Variants in TMEM192 observed in about 807,000 individuals in gnomAD.
TMEM192 encodes the protein transmembrane protein 192.
Under a neutral mutation model 26.7 loss-of-function variants are expected in TMEM192, and 20 were observed. The observed-to-expected ratio is 0.75, with a 90% CI of 0.53 to 1.09. The LOEUF (loss-of-function observed/expected upper bound fraction) is 1.09. Ranked by LOEUF, TMEM192 falls within the 50% of genes least tolerant of loss-of-function variation. The probability of loss-of-function intolerance (pLI) is 0.00; values close to 1 mark genes in which losing one functional copy is unlikely to be tolerated. For missense variants in TMEM192, 304 were observed against 322.6 expected, an observed-to-expected ratio of 0.94 and a Z score of 0.44; for synonymous variants, 124 against 121.0, an observed-to-expected ratio of 1.02 and a Z score of -0.16.
chr4:165,098,897 T>C (rs1244216959), intron 3 of TMEM192, among the ~76,000 whole-genome samples: 1 of 151,732 alleles, frequency 6.6e-6, no homozygotes, highest in Non-Finnish European at 1.5e-5. Flanking sequence ...AGATGAGGTT[T>C]CACCATGTTG....
intron 3 of TMEM192, among the ~76,000 whole-genome samples, chr4:165,089,950 G>A (rs946701602): frequency 2.6e-5 from 4 of 151,936 alleles, no homozygotes; most frequent in African/African-American, 9.7e-5. Flanking sequence ...GGTGGCTCAC[G>A]CCTGTAATCC....
intron 1 of TMEM192, among the ~76,000 whole-genome samples, chr4:165,103,589 G>A (rs190395920): frequency 4.1e-5 from 6 of 147,912 alleles, no homozygotes; most frequent in East Asian, 2.0e-4. Context: ...ACCTTGGCTC[G>A]CCGAAACCTC....
chr4:165,109,341 T>C (rs1170202272), intron 1 of TMEM192, among the ~76,000 whole-genome samples: 2 of 152,178 alleles, frequency 1.3e-5, no homozygotes, highest in Non-Finnish European at 2.9e-5. Flanking sequence ...GCTTCAGACC[T>C]GGGAAATTTT....
chr4:165,109,575 G>C lies in TMEM192; in HGVS notation c.27+3172C>G, dbSNP rs11732970. ...ATACCGGGTTTCGCCATGTTGGCCA[G>C]GCTGGTCTCAAACTTCTGACCTCAG... On this transcript the variant is annotated intron_variant, in intron 1 of 5. Coordinates refer to ENST00000306480, the MANE Select transcript of TMEM192 (RefSeq NM_001100389.2). Among the ~76,000 whole-genome samples, 860 of 152,260 alleles carry C rather than the reference G, an allele frequency of 5.6e-3. 8 individuals carry two copies. Among genetic ancestry groups the C allele is most frequent in the African/African-American group, 6.6e-3 (273 of 41,548 alleles).
intron 5 of TMEM192, among the ~76,000 whole-genome samples, chr4:165,084,154 A>C (rs1418631488): frequency 2.6e-5 from 4 of 151,590 alleles, no homozygotes. Flanking sequence ...TAACTAGTAC[A>C]TCAGTAATGG....
At chr4:165,109,224 A>G (rs1735239900) in intron 1 of TMEM192, among the ~76,000 whole-genome samples, 1 of 151,976 alleles carries the variant, frequency 6.6e-6, no homozygotes, top group Admixed American at 6.6e-5. Context: ...AAGGGCAGAG[A>G]CTCTTTTATA....
intron 3 of TMEM192, among the ~76,000 whole-genome samples, chr4:165,099,984 C>T (rs948766107): frequency 1.3e-5 from 2 of 152,040 alleles, no homozygotes; most frequent in Non-Finnish European, 2.9e-5. Flanking sequence ...AATTCCCTCT[C>T]CCTATCCTCA....
intron 2 of TMEM192, among the ~76,000 whole-genome samples, chr4:165,102,597 A>T (rs1282904197): frequency 6.6e-6 from 1 of 152,098 alleles, no homozygotes; most frequent in Non-Finnish European, 1.5e-5. Flanking sequence ...TATCCACCCC[A>T]TTCTTAACAG....
At chr4:165,100,938 T>C (rs772763592) in intron 2 of TMEM192, 46 bp from the exon 3 acceptor site, 10 of 1,512,810 alleles carry the variant, frequency 6.6e-6, no homozygotes, top group Non-Finnish European at 8.8e-6. Context: ...TATTTGTAAT[T>C]AGGAAGCAAT....
chr4:165,073,365 C>T lies in TMEM192; in HGVS notation c.*6293G>A, dbSNP rs1167784024. The T allele has an allele frequency of 6.6e-6, 1 of 152,250 alleles. No individual in the cohort carries two copies. Among genetic ancestry groups the T allele is most frequent in the Non-Finnish European group, 1.5e-5 (1 of 68,090 alleles). The allele number at this position is 152,250 out of a possible 1,614,324, so 9.4% of individuals were successfully genotyped here. ...TAACAATATGTTTGCAGGTGGTATG[C>T]TTGGTAAAAGTCATCGCCTTTCTCC... is the stretch of plus-strand genomic sequence containing the variant. On this transcript the variant is annotated 3_prime_UTR_variant, in exon 6 of 6. Transcript: ENST00000306480.
rs373678960 is a variant in TMEM192 at position 165,100,889 on chromosome 4, C to T, written c.178G>A (p.Val60Met). 1.5e-5 allele frequency: 24 copies of T among 1,607,572 alleles called. No individual in the cohort carries two copies. The highest frequency in any genetic ancestry group is 8.9e-5 in the South Asian group (8 of 89,968). The change falls in exon 3 of 6, where the codon GTG becomes ATG. Residue 60 changes from valine (V) to methionine (M), a missense_variant. Val to Met is a conservative substitution (Grantham distance 21). Transcript: ENST00000306480. Reference sequence around the variant, plus strand: ...GTTAAAAATGCTAAAACAACAAACACGAGCTGGGGGAAAGGAGAGCAGAAA... The same window carrying T: ...GTTAAAAATGCTAAAACAACAAACATGAGCTGGGGGAAAGGAGAGCAGAAA... ...IVNLLWFIHL[V>M]FVVLAFLTGV...
rs1007607058 is a variant in TMEM192 at position 165,070,855 on chromosome 4, T to C, written c.*8803A>G. ...AGTGACATTAATTCATCAACGTATA[T>C]TGAGTGCCTACTTTGTGCCAGACAC... is the stretch of plus-strand genomic sequence containing the variant. On this transcript the variant is annotated 3_prime_UTR_variant, in exon 6 of 6. Transcript: ENST00000306480. The C allele has an allele frequency of 2.6e-5, 4 of 152,200 alleles. No individual in the cohort carries two copies. Among genetic ancestry groups the C allele is most frequent in the African/African-American group, 4.8e-5 (2 of 41,448 alleles). The allele number at this position is 152,200 out of a possible 1,614,324, so 9.4% of individuals were successfully genotyped here. A position where few individuals can be genotyped will look rare whatever the true frequency, so the allele number is the denominator to read the frequency against.
intron 1 of TMEM192, 29 bp downstream of exon 1, chr4:165,112,718 C>T: frequency 6.2e-7 from 1 of 1,608,428 alleles, no homozygotes; most frequent in Non-Finnish European, 8.5e-7. Context: ...GATTCCGGGG[C>T]CAACCGCCCG....
intron 3 of TMEM192, among the ~76,000 whole-genome samples, chr4:165,095,943 C>T (rs1432702396): frequency 8.1e-6 from 1 of 123,696 alleles, no homozygotes; most frequent in Non-Finnish European, 1.8e-5. Flanking sequence ...CCAGTCATGC[C>T]CAGCTAATTT....
At position 165,085,586 on chromosome 4, in the gene TMEM192, CT is replaced by C. The variant is rs754532328; in HGVS notation, c.676del (p.Arg226GlufsTer6). ...TATTTTATTCTCACCTAAATCTTAC[CT>C]GAATCCAGTCTCCGAGGTAATATTG... ...PSNITSETGF[R>X]TISSLEEIVE... On this transcript the variant is annotated frameshift_variant and splice_region_variant, in exon 5 of 6. Coordinates refer to ENST00000306480, the MANE Select transcript of TMEM192 (RefSeq NM_001100389.2). LOFTEE classifies it low-confidence loss of function (END_TRUNC). 1 of 1,599,682 alleles carries C rather than the reference CT, an allele frequency of 6.3e-7. No homozygotes were observed. The highest frequency in any genetic ancestry group is 8.5e-7 in the Non-Finnish European group (1 of 1,173,070).
At chr4:165,103,342 TTTGTG>T (rs1189878331) in intron 1 of TMEM192, among the ~76,000 whole-genome samples, 1 of 151,062 alleles carries the variant, frequency 6.6e-6, no homozygotes, top group African/African-American at 2.4e-5. Flanking sequence ...GTCTTGTTTG[TTTGTG>T]TTTTGTTTTT....
intron 3 of TMEM192, among the ~76,000 whole-genome samples, chr4:165,094,765 G>A (rs1314546065): frequency 4.0e-5 from 6 of 151,894 alleles, no homozygotes; most frequent in East Asian, 1.9e-4. Flanking sequence ...AGTCGAGGTC[G>A]GGAGTTCAAG....
chr4:165,087,545 A>G (rs890016695), intron 4 of TMEM192, among the ~76,000 whole-genome samples: 3 of 152,234 alleles, frequency 2.0e-5, no homozygotes, highest in African/African-American at 7.2e-5. Context: ...GAGGACGGTT[A>G]GGATGGAGGG....
Position 165,077,817 on chromosome 4 carries a change from C to T in TMEM192, c.*1841G>A, listed in dbSNP as rs1734422879. On this transcript the variant is annotated 3_prime_UTR_variant, in exon 6 of 6. Coordinates refer to ENST00000306480, the MANE Select transcript of TMEM192 (RefSeq NM_001100389.2). ...ACAGGGTGAGACTCTGTCTCAAAAA[C>T]AACAACAAAAAAAAAAACCCCCAAA... 6.8e-6 allele frequency: 1 copy of T among 146,252 alleles called. No homozygotes were observed. 9.1% of individuals were successfully genotyped at this position (146,252 alleles called of 1,614,324 possible). A position where few individuals can be genotyped will look rare whatever the true frequency, so the allele number is the denominator to read the frequency against.
Sources: gnomAD v4.1 joint callset for allele counts (sites outside exome capture counted in the v4.1 genomes callset) on GRCh38, gnomAD v4.1.1 for gene constraint, MANE v1.5 for transcripts, NCBI Gene and HGNC (gene_info 2026-07-23, HGNC 2026-07-21) for gene names.